The following PDE1A variants were observed in gnomAD, a reference collection of about 807,000 sequenced individuals.
PDE1A encodes phosphodiesterase 1A, also known as dual specificity calcium/calmodulin-dependent 3',5'-cyclic nucleotide phosphodiesterase 1A.
PDE1A carries 35 observed loss-of-function variants against 61.7 expected under a neutral mutation model. The observed-to-expected ratio is 0.57, with a 90% CI of 0.43 to 0.75. The LOEUF is 0.75. PDE1A is among the 30% of genes least tolerant of loss of function. The pLI, the probability that PDE1A is intolerant of heterozygous loss-of-function variation, is 0.00. For synonymous variants in PDE1A, 232 were observed against 213.2 expected, an observed-to-expected ratio of 1.09 and a Z score of -0.77; for missense variants, 597 against 630.6, an observed-to-expected ratio of 0.95 and a Z score of 0.57.
At chr2:182,195,414 C>A (rs1047362946) in intron 10 of PDE1A, among the ~76,000 whole-genome samples, 2 of 152,014 alleles carry the variant, frequency 1.3e-5, no homozygotes, top group African/African-American at 2.4e-5. Flanking sequence ...GTCTCCCACT[C>A]CTGGAAGAAT....
the PDE1A span, among the ~76,000 whole-genome samples, chr2:182,550,394 C>T: frequency 1.3e-3 from 192 of 152,270 alleles, 1 homozygote; most frequent in Non-Finnish European, 1.9e-4. Context: ...GGAAATCATG[C>T]TCTGGGCAAC....
At chr2:182,232,220 T>C (rs1191350554) in intron 4 of PDE1A, among the ~76,000 whole-genome samples, 1 of 152,082 alleles carries the variant, frequency 6.6e-6, no homozygotes, top group African/African-American at 2.4e-5. Context: ...AGCAGGGATA[T>C]AAACCACTCC....
chr2:182,345,475 C>A (rs1398779115), intron 1 of PDE1A, among the ~76,000 whole-genome samples: 1 of 152,194 alleles, frequency 6.6e-6, no homozygotes, highest in Non-Finnish European at 1.5e-5. Flanking sequence ...CTGCCAAAAA[C>A]CATCCATGTT....
chr2:182,165,093 A>G (rs1357881821), downstream of PDE1A, among the ~76,000 whole-genome samples: 3 of 152,136 alleles, frequency 2.0e-5, no homozygotes, highest in African/African-American at 4.8e-5. Flanking sequence ...AGATTTCTCC[A>G]GAAGGTTGTA....
intron 1 of PDE1A, among the ~76,000 whole-genome samples, chr2:182,359,575 C>G (rs1286032507): frequency 6.6e-6 from 1 of 152,130 alleles, no homozygotes; most frequent in Non-Finnish European, 1.5e-5. Flanking sequence ...ACATCATTTT[C>G]ATGCATCAGA....
At chr2:182,437,011 G>T (rs1684472962) in intron 2 of PDE1A, among the ~76,000 whole-genome samples, 1 of 151,928 alleles carries the variant, frequency 6.6e-6, no homozygotes, top group South Asian at 2.1e-4. Context: ...ATTGAGACTT[G>T]ATTTCAGAGA....
chr2:182,399,445 T>C (rs1429769634), intron 1 of PDE1A, among the ~76,000 whole-genome samples: 1 of 152,058 alleles, frequency 6.6e-6, no homozygotes. Flanking sequence ...TAATACATTC[T>C]ACATCATGAA....
At chr2:182,590,835 C>T in the PDE1A span, among the ~76,000 whole-genome samples, 6 of 152,282 alleles carry the variant, frequency 3.9e-5, no homozygotes, top group East Asian at 3.9e-4. Context: ...TTTGCACCCA[C>T]TAATTTGCAC....
chr2:182,179,446 A>T (rs1244440562), intron 13 of PDE1A, among the ~76,000 whole-genome samples: 2 of 152,208 alleles, frequency 1.3e-5, no homozygotes, highest in African/African-American at 2.4e-5. Flanking sequence ...TAAATTATAC[A>T]TTGTTTAAAA....
intron 10 of PDE1A, among the ~76,000 whole-genome samples, chr2:182,195,997 C>A (rs1686107250): frequency 6.6e-6 from 1 of 152,010 alleles, no homozygotes; most frequent in Non-Finnish European, 1.5e-5. Flanking sequence ...GTACATTATG[C>A]AGTATGACTA....
At chr2:182,544,590 A>T in the PDE1A span, among the ~76,000 whole-genome samples, 1 of 152,160 alleles carries the variant, frequency 6.6e-6, no homozygotes, top group African/African-American at 2.4e-5. Flanking sequence ...GATGTCGTGG[A>T]GATAGAATTT....
chr2:182,524,534 A>C (rs976161732), upstream of PDE1A, among the ~76,000 whole-genome samples: 1 of 152,112 alleles, frequency 6.6e-6, no homozygotes, highest in Non-Finnish European at 1.5e-5. Flanking sequence ...TAAGACCTCA[A>C]GGTATACTAA....
intron 1 of PDE1A, among the ~76,000 whole-genome samples, chr2:182,277,301 T>A (rs1693489649): frequency 6.6e-6 from 1 of 152,094 alleles, no homozygotes; most frequent in South Asian, 2.1e-4. Context: ...GTAAAATTCC[T>A]CTCTTTGTAC....
chr2:182,367,051 G>A (rs1330238160), intron 1 of PDE1A, among the ~76,000 whole-genome samples: 1 of 151,914 alleles, frequency 6.6e-6, no homozygotes, highest in East Asian at 1.9e-4. Flanking sequence ...GATCACTAAT[G>A]TAGTGATCAC....
intron 13 of PDE1A, among the ~76,000 whole-genome samples, chr2:182,158,692 C>T (rs1351695607): frequency 2.6e-5 from 4 of 152,136 alleles, no homozygotes; most frequent in African/African-American, 4.8e-5. Context: ...CACTCACTAC[C>T]CAGTTGTCTT....
chr2:182,441,864 T>C (rs1684819104), intron 2 of PDE1A, among the ~76,000 whole-genome samples: 1 of 152,064 alleles, frequency 6.6e-6, no homozygotes, highest in South Asian at 2.1e-4. Context: ...TTTTATGTCT[T>C]ATTGCCCACT....
At chr2:182,232,154 C>A (rs1353073370) in intron 4 of PDE1A, among the ~76,000 whole-genome samples, 2 of 151,998 alleles carry the variant, frequency 1.3e-5, no homozygotes, top group African/African-American at 4.8e-5. Flanking sequence ...CCTAGGGAAG[C>A]AAGCAGGCCA....
At chr2:182,538,901 T>C in the PDE1A span, among the ~76,000 whole-genome samples, 1 of 152,206 alleles carries the variant, frequency 6.6e-6, no homozygotes, top group Non-Finnish European at 1.5e-5. Flanking sequence ...CCAACATTCA[T>C]GTCTCTGCCC....
chr2:182,307,222 G>C (rs1372960241), intron 1 of PDE1A, among the ~76,000 whole-genome samples: 1 of 152,174 alleles, frequency 6.6e-6, no homozygotes, highest in Non-Finnish European at 1.5e-5. Flanking sequence ...GCTATGGTTT[G>C]AATGTCTGTC....
Sources: gnomAD v4.1 joint callset for allele counts (sites outside exome capture counted in the v4.1 genomes callset) on GRCh38, gnomAD v4.1.1 for gene constraint, MANE v1.5 for transcripts, NCBI Gene and HGNC (gene_info 2026-07-23, HGNC 2026-07-21) for gene names.